Variants in DMD observed in about 807,000 individuals in gnomAD.
DMD encodes the protein mutant dystrophin.
Under a neutral mutation model 330.1 loss-of-function variants are expected in DMD, and 63 were observed. That is an observed-to-expected ratio of 0.19 (90% confidence interval 0.16 to 0.24). DMD has a LOEUF of 0.24. Ranked by LOEUF, DMD falls within the 10% of genes least tolerant of loss-of-function variation. The pLI is 1.00. For synonymous variants in DMD, 1,223 were observed against 959.8 expected, an observed-to-expected ratio of 1.27 and a Z score of -5.07; for missense variants, 3,344 against 2,684.1, an observed-to-expected ratio of 1.25 and a Z score of -5.43.
intron 2 of DMD, among the ~76,000 whole-genome samples, chrX:32,998,512 G>A (rs2093188551): frequency 9.1e-6 from 1 of 109,969 alleles, no homozygotes; most frequent in Non-Finnish European, 1.9e-5. Flanking sequence ...AGTAGTATGA[G>A]CAAATGGCTT....
At chrX:32,308,386 T>G (rs1237181873) in intron 42 of DMD, among the ~76,000 whole-genome samples, 2 of 111,095 alleles carry the variant, frequency 1.8e-5, no homozygotes, top group Admixed American at 1.9e-4. Context: ...ATTTATGCAC[T>G]GCTTTTCCAT....
At chrX:33,198,335 T>TGAGA (rs2051076710) in intron 1 of DMD, among the ~76,000 whole-genome samples, 1 of 111,010 alleles carries the variant, frequency 9.0e-6, no homozygotes, top group South Asian at 3.7e-4. Context: ...ACTAGTTCTT[T>TGAGA]GAGACTTTAC....
chrX:31,182,548 G>T (rs182127466), intron 68 of DMD, among the ~76,000 whole-genome samples, 190 bp downstream of exon 68: 180 of 111,326 alleles, frequency 1.6e-3, no homozygotes, highest in Non-Finnish European at 2.9e-3. Context: ...CCTAATAAGT[G>T]AGATCCACCA....
At position 31,456,396 on chromosome X, in the gene DMD, G is replaced by A. The variant is rs59818839; in HGVS notation, c.8938-11769C>T. Among the ~76,000 whole-genome samples the A allele has an allele frequency of 5.9e-3, 655 of 111,911 alleles. 5 individuals carry two copies. The highest frequency in any genetic ancestry group is 0.017 in the African/African-American group (540 of 30,886). ...GAGTCACAGACTAAGATCCTTTGCC[G>A]GGTAGCTACCTTTTTGGAGCTGATT... On this transcript the variant is annotated intron_variant, in intron 59 of 78. Coordinates refer to ENST00000357033, the MANE Select transcript of DMD (RefSeq NM_004006.3).
chrX:31,670,276 T>C (rs1989274006), intron 53 of DMD, among the ~76,000 whole-genome samples: 1 of 111,952 alleles, frequency 8.9e-6, no homozygotes, highest in Admixed American at 9.5e-5. Context: ...AATCTGGATG[T>C]CTTTTATTTA....
At position 32,662,662 on chromosome X, in the gene DMD, A is replaced by G. The variant is rs778651150; in HGVS notation, c.961-17510T>C. Among the ~76,000 whole-genome samples, 31 of 111,776 alleles carry G rather than the reference A, an allele frequency of 2.8e-4. No individual in the cohort carries two copies. In the South Asian group the frequency reaches 0.011, roughly 39 times the overall value. On this transcript the variant is annotated intron_variant, in intron 9 of 78. Coordinates refer to ENST00000357033, the MANE Select transcript of DMD (RefSeq NM_004006.3). ...CTCCCAATTATTCTGGGAGTAGTTT[A>G]TCAGAGTACAGATTATCTGGAGGTG...
intron 62 of DMD, among the ~76,000 whole-genome samples, chrX:31,276,250 G>A (rs1279508351): frequency 1.8e-5 from 2 of 111,152 alleles, no homozygotes; most frequent in African/African-American, 6.6e-5. Context: ...GTAGAGACGG[G>A]GTTTCACCAT....
intron 57 of DMD, among the ~76,000 whole-genome samples, chrX:31,479,602 A>G (rs2068085184): frequency 8.9e-6 from 1 of 112,355 alleles, no homozygotes; most frequent in Admixed American, 9.5e-5. Context: ...ACAAGGTATA[A>G]AATAGGTAAG....
At chrX:32,323,496 A>G (rs1456704007) in intron 41 of DMD, among the ~76,000 whole-genome samples, 5 of 110,397 alleles carry the variant, frequency 4.5e-5, no homozygotes, top group African/African-American at 6.7e-5. Flanking sequence ...TGAAAACAAT[A>G]GTAGCCAGGA....
At position 32,973,620 on chromosome X, in the gene DMD, T is replaced by C. The variant is rs140306628; in HGVS notation, c.93+46519A>G. The stretch of plus-strand genomic sequence containing the variant: ...CCTTCAGAATTCCACCCTCCAGCCA[T>C]TGAGTCCAACTTAGCTTTCAAGTCT... On this transcript the variant is annotated intron_variant, in intron 2 of 78. Coordinates refer to ENST00000357033, the MANE Select transcript of DMD (RefSeq NM_004006.3). Among the ~76,000 whole-genome samples, 103 of 112,131 alleles carry C rather than the reference T, an allele frequency of 9.2e-4. 2 individuals carry two copies. The East Asian group carries it at 0.013, about 14-fold the overall frequency.
At chrX:33,313,245 C>T (rs1270526050) in intron 1 of DMD, among the ~76,000 whole-genome samples, 1 of 112,203 alleles carries the variant, frequency 8.9e-6, no homozygotes, top group Non-Finnish European at 1.9e-5. Context: ...AATCAATATA[C>T]TGCTTGATTA....
intron 9 of DMD, among the ~76,000 whole-genome samples, chrX:32,674,191 T>C (rs2061817565): frequency 8.9e-6 from 1 of 111,891 alleles, no homozygotes; most frequent in African/African-American, 3.2e-5. Context: ...AAATTTAGTT[T>C]AGTTTTAATC....
At chrX:32,978,997 C>G (rs1326572635) in intron 2 of DMD, among the ~76,000 whole-genome samples, 2 of 111,899 alleles carry the variant, frequency 1.8e-5, no homozygotes, top group Non-Finnish European at 3.8e-5. Flanking sequence ...TTCTCCTAGA[C>G]AGAAATCTTA....
At chrX:31,357,964 T>C (rs1321866991) in intron 60 of DMD, among the ~76,000 whole-genome samples, 1 of 111,881 alleles carries the variant, frequency 8.9e-6, no homozygotes, top group Non-Finnish European at 1.9e-5. Context: ...GGACAGGGGA[T>C]GGAGCAATGT....
At chrX:33,220,279 A>G (rs2052149565) in intron 1 of DMD, among the ~76,000 whole-genome samples, 1 of 111,028 alleles carries the variant, frequency 9.0e-6, no homozygotes, top group Admixed American at 9.6e-5. Context: ...AGCCACTGCC[A>G]CTAATACAAC....
At position 32,751,896 on chromosome X, in the gene DMD, C is replaced by G. The variant is rs1324160473; in HGVS notation, c.650-52603G>C. On this transcript the variant is annotated intron_variant, in intron 7 of 78. Transcript: ENST00000357033. ...GGCTGTTACTTCAGAGGGCGGAAGCCCAAGCCTTGGCAGCTTCCACGTCGT... is the reference window on the plus strand; with the variant it reads ...GGCTGTTACTTCAGAGGGCGGAAGCGCAAGCCTTGGCAGCTTCCACGTCGT... Among the ~76,000 whole-genome samples the G allele has an allele frequency of 8.9e-5, 10 of 112,870 alleles. No individual in the cohort carries two copies. The East Asian group carries it at 2.8e-3, about 32-fold the overall frequency.
chrX:32,380,082 T>C (rs2097918771), intron 34 of DMD, among the ~76,000 whole-genome samples: 1 of 111,444 alleles, frequency 9.0e-6, no homozygotes, highest in Non-Finnish European at 1.9e-5. Context: ...ACCTTGAGAT[T>C]CTTTCTGAAA....
At position 31,712,299 on chromosome X, in the gene DMD, T is replaced by C. The variant is rs1239484620; in HGVS notation, c.7660+17332A>G. 4.5e-5 allele frequency among the ~76,000 whole-genome samples: 5 copies of C among 111,131 alleles called. No homozygotes were observed. In the East Asian group the frequency reaches 1.1e-3, roughly 25 times the overall value. On this transcript the variant is annotated intron_variant, in intron 52 of 78. Transcript: ENST00000357033. ...GAGGCTCTGTCAACCTACTAAGTTA[T>C]AGTTATCCTATGGGAACAGACCCCA...
At chrX:32,038,715 G>T in intron 44 of DMD, among the ~76,000 whole-genome samples, 1 of 110,066 alleles carries the variant, frequency 9.1e-6, no homozygotes, top group Admixed American at 9.7e-5. Context: ...ACATGCCAAT[G>T]AAAAAATCAA....
Sources: gnomAD v4.1 joint callset for allele counts (sites outside exome capture counted in the v4.1 genomes callset) on GRCh38, gnomAD v4.1.1 for gene constraint, MANE v1.5 for transcripts, NCBI Gene and HGNC (gene_info 2026-07-23, HGNC 2026-07-21) for gene names.